CDH19: variants seen among roughly 807,000 people sequenced by gnomAD.
The protein encoded by CDH19 is cadherin-19.
CDH19 carries 67 observed loss-of-function variants against 64.2 expected under a neutral mutation model. The ratio of observed to expected loss-of-function variants is 1.04; its 90% CI spans 0.86 to 1.28. CDH19 has a LOEUF of 1.28. Ranked by LOEUF, CDH19 falls within the 50% of genes most tolerant of loss-of-function variation. CDH19 has a pLI of 0.00. For synonymous variants in CDH19, 346 were observed against 319.3 expected (o/e 1.08, Z -0.89); for missense variants, 1,030 against 929.0 (o/e 1.11, Z -1.41).
At chr18:66,562,876 C>A (rs1173107972) in intron 3 of CDH19, among the ~76,000 whole-genome samples, 1 of 152,044 alleles carries the variant, frequency 6.6e-6, no homozygotes, top group South Asian at 2.1e-4. Context: ...ATCCAAACAT[C>A]AGATGTATTC....
chr18:66,523,689 A>C (rs576023468), intron 9 of CDH19, among the ~76,000 whole-genome samples: 5 of 151,692 alleles, frequency 3.3e-5, no homozygotes, highest in Non-Finnish European at 4.4e-5. Context: ...GTGCCTGTAC[A>C]TTTGGTACAT....
chr18:66,586,925 A>C (rs1988596087), intron 1 of CDH19, among the ~76,000 whole-genome samples: 2 of 151,948 alleles, frequency 1.3e-5, no homozygotes, highest in South Asian at 4.1e-4. Context: ...ATCTATTTTT[A>C]TCTTATATTA....
At chr18:66,565,752 A>G (rs1219172427) in intron 3 of CDH19, among the ~76,000 whole-genome samples, 2 of 151,984 alleles carry the variant, frequency 1.3e-5, no homozygotes, top group Non-Finnish European at 2.9e-5. Context: ...TTGGCAAAGC[A>G]ATAGAAATAT....
At chr18:66,586,864 G>A (rs1988594331) in intron 1 of CDH19, among the ~76,000 whole-genome samples, 1 of 151,996 alleles carries the variant, frequency 6.6e-6, no homozygotes, top group East Asian at 1.9e-4. Flanking sequence ...CTTTTGGAAT[G>A]CGTATTACCT....
chr18:66,596,791 A>G (rs1988900337), intron 1 of CDH19, among the ~76,000 whole-genome samples: 1 of 151,910 alleles, frequency 6.6e-6, no homozygotes, highest in Non-Finnish European at 1.5e-5. Flanking sequence ...AATTAAAAAA[A>G]ATCATACTAG....
At chr18:66,601,974 T>C (rs1989047796) in intron 1 of CDH19, among the ~76,000 whole-genome samples, 1 of 151,936 alleles carries the variant, frequency 6.6e-6, no homozygotes, top group Middle Eastern at 3.2e-3. Context: ...GTGGGATTAT[T>C]ATTACGTTCC....
At chr18:66,507,393 T>C (rs1275889975) in intron 11 of CDH19, among the ~76,000 whole-genome samples, 1 of 151,934 alleles carries the variant, frequency 6.6e-6, no homozygotes, top group Non-Finnish European at 1.5e-5. Flanking sequence ...CAGTTTGACA[T>C]TTCAGAAACT....
intron 1 of CDH19, among the ~76,000 whole-genome samples, chr18:66,592,066 G>A (rs913071823): frequency 4.0e-5 from 6 of 151,614 alleles, no homozygotes; most frequent in African/African-American, 1.5e-4. Flanking sequence ...TTGAATAAAA[G>A]GTTCTTCTCT....
At chr18:66,586,300 A>C (rs1353826407) in intron 1 of CDH19, among the ~76,000 whole-genome samples, 1 of 152,020 alleles carries the variant, frequency 6.6e-6, no homozygotes, top group Non-Finnish European at 1.5e-5. Flanking sequence ...AAAACAGAAA[A>C]ACTTAAAGGT....
chr18:66,520,777 C>T (rs1985949357), intron 9 of CDH19, among the ~76,000 whole-genome samples: 1 of 151,940 alleles, frequency 6.6e-6, no homozygotes, highest in African/African-American at 2.4e-5. Flanking sequence ...TACAAGTCTT[C>T]AAGTCTGATA....
chr18:66,575,196 A>T (rs1298453390), intron 1 of CDH19, among the ~76,000 whole-genome samples: 2 of 151,832 alleles, frequency 1.3e-5, no homozygotes, highest in Non-Finnish European at 2.9e-5. Flanking sequence ...GCTACAAAAA[A>T]CTAAGTCATT....
At chr18:66,599,542 CAA>C (rs1378857762) in intron 1 of CDH19, among the ~76,000 whole-genome samples, 1 of 151,866 alleles carries the variant, frequency 6.6e-6, no homozygotes, top group Non-Finnish European at 1.5e-5. Flanking sequence ...CCTAAGAGAG[CAA>C]AGTTTAAATG....
intron 2 of CDH19, among the ~76,000 whole-genome samples, chr18:66,570,021 T>C (rs1356740601): frequency 1.3e-5 from 2 of 151,666 alleles, no homozygotes; most frequent in Non-Finnish European, 3.0e-5. Flanking sequence ...ATCCAGATTG[T>C]CTTTCTGGTA....
intron 7 of CDH19, among the ~76,000 whole-genome samples, chr18:66,535,831 T>C (rs1481095062): frequency 6.8e-6 from 1 of 147,380 alleles, no homozygotes; most frequent in Non-Finnish European, 1.5e-5. Flanking sequence ...TGTTTTATTA[T>C]ATATTACATA....
intron 9 of CDH19, among the ~76,000 whole-genome samples, chr18:66,516,327 A>G (rs553092437): frequency 1.3e-5 from 2 of 152,162 alleles, no homozygotes; most frequent in South Asian, 2.1e-4. Context: ...TCATGATCCT[A>G]TTGAACAACT....
chr18:66,524,729 A>G (rs1986154775), intron 9 of CDH19, among the ~76,000 whole-genome samples: 1 of 151,968 alleles, frequency 6.6e-6, no homozygotes, highest in African/African-American at 2.4e-5. Context: ...CACCCTATGC[A>G]CATACTCTTC....
chr18:66,587,490 A>T (rs1479695971), intron 1 of CDH19, among the ~76,000 whole-genome samples: 1 of 152,176 alleles, frequency 6.6e-6, no homozygotes, highest in Non-Finnish European at 1.5e-5. Context: ...AAACAAATAA[A>T]AAAAAGAAGA....
chr18:66,560,087 T>G (rs553131735), intron 3 of CDH19, among the ~76,000 whole-genome samples: 7 of 152,154 alleles, frequency 4.6e-5, no homozygotes, highest in African/African-American at 1.7e-4. Context: ...CAGGTTGGAG[T>G]GCAATGGCGT....
chr18:66,536,308 T>C (rs543485813), intron 7 of CDH19, among the ~76,000 whole-genome samples: 1 of 151,846 alleles, frequency 6.6e-6, no homozygotes, highest in Non-Finnish European at 1.5e-5. Flanking sequence ...GGTATTCAGA[T>C]AAGGACTCAA....
Sources: allele counts gnomAD v4.1 joint callset (sites outside exome capture counted in the v4.1 genomes callset), GRCh38; gene constraint gnomAD v4.1.1; transcripts MANE v1.5; gene names NCBI Gene and HGNC (gene_info 2026-07-23, HGNC 2026-07-21).